The following TFEC variants were observed in gnomAD, a reference collection of about 807,000 sequenced individuals.
The protein encoded by TFEC is class E basic helix-loop-helix protein 34.
A neutral mutation model predicts 41.6 loss-of-function variants in TFEC; 31 were observed. The observed-to-expected ratio is 0.74, with a 90% CI of 0.56 to 1.01. The LOEUF (loss-of-function observed/expected upper bound fraction) is 1.01. Among genes scored for constraint, TFEC ranks in the 50% least tolerant of loss-of-function variants. TFEC has a pLI of 0.00. For missense variants in TFEC, 402 were observed against 404.1 expected (o/e 0.99, Z 0.04); for synonymous variants, 143 against 140.6 (o/e 1.02, Z -0.12).
chr7:116,045,676 C>T (rs1243030326), intron 3 of TFEC, among the ~76,000 whole-genome samples: 5 of 152,226 alleles, frequency 3.3e-5, no homozygotes, highest in Non-Finnish European at 7.3e-5. Flanking sequence ...GGGTTTGAGC[C>T]CCCACACAGA....
At chr7:115,985,538 C>T (rs1375009213) in intron 1 of TFEC, among the ~76,000 whole-genome samples, 1 of 152,092 alleles carries the variant, frequency 6.6e-6, no homozygotes, top group Non-Finnish European at 1.5e-5. Context: ...GTTACACAAA[C>T]TACTCCTTAA....
intron 1 of TFEC, among the ~76,000 whole-genome samples, chr7:116,114,970 C>T (rs1797947108): frequency 6.6e-6 from 1 of 151,764 alleles, no homozygotes; most frequent in Admixed American, 6.6e-5. Context: ...AGAGAAAAAT[C>T]TCCCCACACA....
At chr7:116,098,382 G>A (rs1002452644) in intron 3 of TFEC, among the ~76,000 whole-genome samples, 15 of 151,878 alleles carry the variant, frequency 9.9e-5, no homozygotes, top group African/African-American at 2.9e-4. Flanking sequence ...TGGTCTCGGC[G>A]TGAACCACTG....
intron 3 of TFEC, among the ~76,000 whole-genome samples, chr7:115,965,787 T>G (rs1433587011): frequency 6.6e-6 from 1 of 151,706 alleles, no homozygotes; most frequent in African/African-American, 2.4e-5. Flanking sequence ...CCATCTATTC[T>G]TATCAGGACA....
chr7:116,080,104 G>A (rs559816909), intron 3 of TFEC, among the ~76,000 whole-genome samples: 9 of 152,082 alleles, frequency 5.9e-5, no homozygotes, highest in South Asian at 2.1e-4. Context: ...TCAACAAACC[G>A]TGCTGGGATA....
At chr7:116,103,299 G>A (rs765504811) in intron 3 of TFEC, among the ~76,000 whole-genome samples, 13 of 152,146 alleles carry the variant, frequency 8.5e-5, no homozygotes, top group Admixed American at 1.3e-4. Context: ...TGGAAAGTTC[G>A]TTTTCTCTCT....
intron 3 of TFEC, among the ~76,000 whole-genome samples, chr7:116,068,583 ATAAT>A (rs1482596759): frequency 6.6e-6 from 1 of 151,736 alleles, no homozygotes; most frequent in African/African-American, 2.4e-5. Context: ...GACTTTTGGA[ATAAT>A]TAACAAAATA....
chr7:116,130,870 C>T (rs1194002550), intron 1 of TFEC, among the ~76,000 whole-genome samples: 2 of 152,140 alleles, frequency 1.3e-5, no homozygotes, highest in Non-Finnish European at 2.9e-5. Flanking sequence ...CTTTGGCCTC[C>T]CAAAGTACTG....
intron 1 of TFEC, among the ~76,000 whole-genome samples, chr7:116,121,821 GC>G (rs1485180969): frequency 6.6e-6 from 1 of 151,928 alleles, no homozygotes; most frequent in African/African-American, 2.4e-5. Flanking sequence ...TTGATCCTTG[GC>G]TAAAAGCCCT....
Position 116,117,025 on chromosome 7 carries a change from G to C in TFEC, c.-68-4987C>G, listed in dbSNP as rs182143212. Among the ~76,000 whole-genome samples the C allele has an allele frequency of 1.7e-3, 253 of 151,840 alleles. 2 individuals carry two copies. The highest frequency in any genetic ancestry group is 2.8e-3 in the Non-Finnish European group (187 of 67,802). Reference sequence around the variant, plus strand: ...TTTAACCAAAAAATAAACAGAAAAAGAGGATTCCTCTCATTAATGTGGAGC... The same window carrying C: ...TTTAACCAAAAAATAAACAGAAAAACAGGATTCCTCTCATTAATGTGGAGC... On this transcript the variant is annotated intron_variant, in intron 1 of 8. Coordinates refer to the TFEC transcript ENST00000484212.
intron 3 of TFEC, chr7:115,968,449 C>T (rs538329575): frequency 3.4e-6 from 2 of 584,196 alleles, no homozygotes; most frequent in Admixed American, 3.6e-5. Flanking sequence ...ACTCATTCCT[C>T]GTCTCTGGAA....
At position 115,939,923 on chromosome 7, in the gene TFEC, TGAG is replaced by T. The variant is rs1203048691; in HGVS notation, c.*625_*627del. The T allele has an allele frequency of 5.3e-5, 8 of 152,074 alleles. No individual in the cohort carries two copies. The highest frequency in any genetic ancestry group is 1.7e-4 in the African/African-American group (7 of 41,450). The allele number at this position is 152,074 out of a possible 1,614,324, so 9.4% of individuals were successfully genotyped here. A position where few individuals can be genotyped will look rare whatever the true frequency, so the allele number is the denominator to read the frequency against. ...TGTAATTGAACCAACTACAATAAAA[TGAG>T]GATCTAATTTTAGTAACCAATGTTT... On this transcript the variant is annotated 3_prime_UTR_variant, in exon 8 of 8. Coordinates refer to ENST00000265440, the MANE Select transcript of TFEC (RefSeq NM_012252.4).
chr7:116,030,372 T>C (rs1795748119), intron 1 of TFEC, among the ~76,000 whole-genome samples: 1 of 152,118 alleles, frequency 6.6e-6, no homozygotes, highest in South Asian at 2.1e-4. Context: ...GAAAAATAAA[T>C]AACTTTGGTT....
At chr7:116,105,243 T>A (rs1368358321) in intron 3 of TFEC, among the ~76,000 whole-genome samples, 7 of 152,134 alleles carry the variant, frequency 4.6e-5, no homozygotes, top group Non-Finnish European at 1.0e-4. Context: ...GATCCCCTAC[T>A]CTGGCACAAA....
intron 1 of TFEC, among the ~76,000 whole-genome samples, chr7:116,016,201 C>T (rs1795185146): frequency 6.6e-6 from 1 of 151,964 alleles, no homozygotes; most frequent in South Asian, 2.1e-4. Context: ...AGAAGATATC[C>T]CCAGCAGACT....
At chr7:115,989,980 G>C (rs925892830) in intron 1 of TFEC, among the ~76,000 whole-genome samples, 4 of 152,154 alleles carry the variant, frequency 2.6e-5, no homozygotes, top group Non-Finnish European at 5.9e-5. Flanking sequence ...CCTCCTAGTA[G>C]GGGCTGACTG....
intron 3 of TFEC, 52 bp downstream of exon 3, chr7:115,974,118 A>G: frequency 1.4e-6 from 2 of 1,400,360 alleles, no homozygotes. Context: ...TTTTATTATC[A>G]GAGTGTATTC....
intron 3 of TFEC, among the ~76,000 whole-genome samples, chr7:116,108,772 A>C (rs1797778386): frequency 6.6e-6 from 1 of 152,128 alleles, no homozygotes; most frequent in Non-Finnish European, 1.5e-5. Flanking sequence ...ACCTACACAC[A>C]CTGTGATAGA....
intron 3 of TFEC, among the ~76,000 whole-genome samples, chr7:116,037,157 T>G (rs2130910865): frequency 6.6e-6 from 1 of 152,128 alleles, no homozygotes; most frequent in South Asian, 2.1e-4. Flanking sequence ...GTCTCAAAAA[T>G]AAAAGGCTAC....
Sources: gnomAD v4.1 joint callset for allele counts (sites outside exome capture counted in the v4.1 genomes callset) on GRCh38, gnomAD v4.1.1 for gene constraint, MANE v1.5 for transcripts, NCBI Gene and HGNC (gene_info 2026-07-23, HGNC 2026-07-21) for gene names.